The following MICU1 variants were observed in gnomAD, a reference collection of about 807,000 sequenced individuals.
MICU1 encodes the protein calcium uptake protein 1, mitochondrial.
Under a neutral mutation model 56.8 loss-of-function variants are expected in MICU1, and 45 were observed. The observed-to-expected ratio is 0.79, with a 90% confidence interval of 0.62 to 1.02. The LOEUF is 1.02. MICU1 is among the 50% of genes least tolerant of loss of function. The probability of loss-of-function intolerance (pLI) is 0.00; values close to 1 mark genes in which losing one functional copy is unlikely to be tolerated. For missense variants in MICU1, 504 were observed against 587.1 expected (o/e 0.86, Z 1.46); for synonymous variants, 186 against 195.1 (o/e 0.95, Z 0.39).
chr10:72,486,180 A>G (rs1204906934), intron 6 of MICU1, among the ~76,000 whole-genome samples: 1 of 152,208 alleles, frequency 6.6e-6, no homozygotes, highest in Non-Finnish European at 1.5e-5. Context: ...AAACTAAAAC[A>G]TAAAGAAAGC....
intron 1 of MICU1, among the ~76,000 whole-genome samples, chr10:72,586,659 A>C (rs1841071340): frequency 6.6e-6 from 1 of 152,122 alleles, no homozygotes; most frequent in African/African-American, 2.4e-5. Flanking sequence ...CTCAAAAAAA[A>C]AAAAACCCAT....
At chr10:72,491,110 T>G (rs1866640847) in intron 6 of MICU1, among the ~76,000 whole-genome samples, 1 of 152,214 alleles carries the variant, frequency 6.6e-6, no homozygotes, top group South Asian at 2.1e-4. Flanking sequence ...TGACCCTGTC[T>G]GTGAGACCAA....
rs776484090 is a variant in MICU1 at position 72,566,630 on chromosome 10, C to T, written c.161+3G>A. 79 of 1,610,502 alleles carry T rather than the reference C, an allele frequency of 4.9e-5. No homozygotes were observed. Among genetic ancestry groups the T allele is most frequent in the Non-Finnish European group, 6.5e-5 (77 of 1,178,512 alleles). On this transcript the variant is annotated splice_donor_region_variant and intron_variant, in intron 2 of 11. Coordinates refer to ENST00000361114, the MANE Select transcript of MICU1 (RefSeq NM_001195518.2). ...AAGAACAAGATGGTTGGATAACACT[C>T]ACCTCTTCCACAAAAGACCAGTACT...
chr10:72,610,406 C>A (rs1365437589), intron 1 of MICU1, among the ~76,000 whole-genome samples: 1 of 151,828 alleles, frequency 6.6e-6, no homozygotes, highest in Non-Finnish European at 1.5e-5. Flanking sequence ...TTTTAAGAGA[C>A]AAAAACTGCC....
intron 8 of MICU1, among the ~76,000 whole-genome samples, chr10:72,449,930 G>C (rs1865242248): frequency 6.6e-6 from 1 of 152,124 alleles, no homozygotes; most frequent in Non-Finnish European, 1.5e-5. Context: ...GCCACAGAGA[G>C]CTGGAGAGGG....
intron 1 of MICU1, among the ~76,000 whole-genome samples, chr10:72,610,739 T>C (rs1377047289): frequency 2.0e-5 from 3 of 152,008 alleles, no homozygotes; most frequent in Admixed American, 2.0e-4. Flanking sequence ...CAAACCCTAT[T>C]GGATAACAAA....
chr10:72,452,928 G>A (rs1228314177), intron 8 of MICU1, among the ~76,000 whole-genome samples: 2 of 151,764 alleles, frequency 1.3e-5, no homozygotes, highest in African/African-American at 4.8e-5. Flanking sequence ...CTGGGAAGGT[G>A]AGTCTTTTTC....
At chr10:72,412,132 AT>A in intron 9 of MICU1, among the ~76,000 whole-genome samples, 1 of 152,248 alleles carries the variant, frequency 6.6e-6, no homozygotes. Context: ...CAAAATTCTT[AT>A]TTTTTTGGTA....
At chr10:72,424,347 A>C (rs1415497325) in intron 8 of MICU1, among the ~76,000 whole-genome samples, 1 of 152,188 alleles carries the variant, frequency 6.6e-6, no homozygotes, top group Non-Finnish European at 1.5e-5. Flanking sequence ...TCCTGACCTC[A>C]GGTGATCCAC....
At chr10:72,521,707 C>T (rs1867827676) in intron 5 of MICU1, among the ~76,000 whole-genome samples, 1 of 152,042 alleles carries the variant, frequency 6.6e-6, no homozygotes, top group Admixed American at 6.6e-5. Flanking sequence ...TGCACAGGAA[C>T]ACACTGGGTA....
chr10:72,494,842 T>TAAAA (rs758537983), intron 6 of MICU1, among the ~76,000 whole-genome samples: 142 of 144,904 alleles, frequency 9.8e-4, no homozygotes, highest in African/African-American at 3.6e-3. Flanking sequence ...GCCCTGATTC[T>TAAAA]AAAAAAAAAA....
intron 8 of MICU1, among the ~76,000 whole-genome samples, chr10:72,425,636 C>G (rs977427060): frequency 6.6e-6 from 1 of 152,088 alleles, no homozygotes; most frequent in African/African-American, 2.4e-5. Flanking sequence ...ATGGCCACTT[C>G]GACGCTTACT....
At chr10:72,416,456 C>T (rs185254124) in intron 9 of MICU1, among the ~76,000 whole-genome samples, 1 of 152,168 alleles carries the variant, frequency 6.6e-6, no homozygotes, top group Admixed American at 6.5e-5. Flanking sequence ...TCTGATATTC[C>T]ACAAATGACT....
chr10:72,549,420 A>G (rs1264758915), intron 4 of MICU1, among the ~76,000 whole-genome samples: 1 of 151,854 alleles, frequency 6.6e-6, no homozygotes, highest in Non-Finnish European at 1.5e-5. Context: ...TCAACTCCTG[A>G]GCTCAAATAA....
rs139345007 is a variant in MICU1 at position 72,512,683 on chromosome 10, TTTTTGTTTTGTTTTG to T, written c.538-4429_538-4415del. On this transcript the variant is annotated intron_variant, in intron 5 of 11. Coordinates refer to ENST00000361114, the MANE Select transcript of MICU1 (RefSeq NM_001195518.2). The stretch of plus-strand genomic sequence containing the variant: ...TCATATGGCAGCTCTATGTTTTTGG[TTTTTGTTTTGTTTTG>T]TTTTGTTTTGTTTTGTTTTGAGACA... Among the ~76,000 whole-genome samples, 7 of 148,064 alleles carry T rather than the reference TTTTTGTTTTGTTTTG, an allele frequency of 4.7e-5. 1 individual carries two copies. Among genetic ancestry groups the T allele is most frequent in the Admixed American group, 2.7e-4 (4 of 14,776 alleles).
chr10:72,394,434 T>C (rs1336380515), intron 10 of MICU1, among the ~76,000 whole-genome samples: 2 of 152,102 alleles, frequency 1.3e-5, no homozygotes, highest in African/African-American at 2.4e-5. Context: ...ATAACCAGCC[T>C]GGCCAATGTG....
At chr10:72,500,890 A>C (rs1346844310) in intron 6 of MICU1, among the ~76,000 whole-genome samples, 6 of 152,212 alleles carry the variant, frequency 3.9e-5, no homozygotes, top group African/African-American at 1.4e-4. Flanking sequence ...CTAGTTATGC[A>C]GAAAAATCTC....
intron 9 of MICU1, among the ~76,000 whole-genome samples, chr10:72,411,037 A>C (rs901795969): frequency 6.6e-6 from 1 of 152,234 alleles, no homozygotes; most frequent in African/African-American, 2.4e-5. Context: ...AGCTTTTAAA[A>C]GGAAGAAGAT....
intron 3 of MICU1, among the ~76,000 whole-genome samples, chr10:72,554,744 G>A (rs1219930328): frequency 3.3e-5 from 5 of 152,200 alleles, no homozygotes; most frequent in Admixed American, 6.5e-5. Flanking sequence ...GCCAGGCGCC[G>A]TGGCTCATGC....
Sources: allele counts gnomAD v4.1 joint callset (sites outside exome capture counted in the v4.1 genomes callset), GRCh38; gene constraint gnomAD v4.1.1; transcripts MANE v1.5; gene names NCBI Gene and HGNC (gene_info 2026-07-23, HGNC 2026-07-21).